The following MCCC1 variants were observed in gnomAD, a reference collection of about 807,000 sequenced individuals.
MCCC1 encodes methylcrotonyl-CoA carboxylase subunit 1.
MCCC1 carries 64 observed loss-of-function variants against 83.8 expected under a neutral mutation model. That is an observed-to-expected ratio of 0.76 (90% CI 0.62 to 0.94). The LOEUF is 0.94. Ranked by LOEUF, MCCC1 falls within the 40% of genes least tolerant of loss-of-function variation. The pLI is 0.00. For missense variants in MCCC1, 807 were observed against 904.7 expected, an observed-to-expected ratio of 0.89 and a Z score of 1.39; for synonymous variants, 322 against 315.4, an observed-to-expected ratio of 1.02 and a Z score of -0.22.
intron 14 of MCCC1, among the ~76,000 whole-genome samples, chr3:183,026,580 C>A (rs766292834): frequency 6.6e-6 from 1 of 152,054 alleles, no homozygotes; most frequent in Non-Finnish European, 1.5e-5. Context: ...CATGGCGGCA[C>A]GTGCCTGTAA....
At chr3:183,027,281 T>C (rs938188426) in intron 14 of MCCC1, among the ~76,000 whole-genome samples, 11 of 152,166 alleles carry the variant, frequency 7.2e-5, no homozygotes, top group African/African-American at 2.4e-4. Flanking sequence ...CAATACAATA[T>C]TGAAATTAGA....
intron 9 of MCCC1, among the ~76,000 whole-genome samples, chr3:183,050,403 T>C (rs1714875079): frequency 1.3e-5 from 2 of 151,062 alleles, no homozygotes; most frequent in African/African-American, 4.9e-5. Flanking sequence ...AAACTTCTGC[T>C]CTGTGAAAAG....
At chr3:183,075,677 A>C (rs1205976889) in intron 4 of MCCC1, among the ~76,000 whole-genome samples, 3 of 151,822 alleles carry the variant, frequency 2.0e-5, no homozygotes, top group Non-Finnish European at 4.4e-5. Flanking sequence ...AGTAGCTGGG[A>C]CTACAGGTGC....
chr3:183,092,890 TTTAC>T (rs774270865), intron 2 of MCCC1, among the ~76,000 whole-genome samples: 19 of 151,898 alleles, frequency 1.3e-4, no homozygotes, highest in Admixed American at 3.3e-4. Context: ...TATTTATTTA[TTTAC>T]TTATTTATTT....
At chr3:183,025,086 C>T (rs946592283) in intron 15 of MCCC1, among the ~76,000 whole-genome samples, 7 of 151,952 alleles carry the variant, frequency 4.6e-5, no homozygotes, top group African/African-American at 1.7e-4. Flanking sequence ...ATATCAGGTA[C>T]CTAGAGTAGT....
chr3:183,081,925 G>A (rs1009205520), intron 4 of MCCC1, among the ~76,000 whole-genome samples: 7 of 152,186 alleles, frequency 4.6e-5, no homozygotes, highest in African/African-American at 1.4e-4. Context: ...TTAAGCTGCT[G>A]ACCCTGAAGG....
At chr3:183,091,967 G>A (rs955189824) in intron 3 of MCCC1, among the ~76,000 whole-genome samples, 4 of 151,724 alleles carry the variant, frequency 2.6e-5, no homozygotes, top group Admixed American at 2.0e-4. Flanking sequence ...CAGGAGAATC[G>A]CTTGAACCTG....
At chr3:183,099,687 T>C (rs1217076070), upstream of MCCC1, 2 of 593,174 alleles carry the variant, frequency 3.4e-6, no homozygotes, top group Admixed American at 5.9e-5. Context: ...GGCCTTTGTT[T>C]CTGCGTCCCC....
chr3:183,063,366 A>G (rs560136686), intron 7 of MCCC1, among the ~76,000 whole-genome samples: 2 of 152,248 alleles, frequency 1.3e-5, no homozygotes, highest in East Asian at 3.9e-4. Flanking sequence ...CCAAAATAGT[A>G]TACTTTAAAG....
upstream of MCCC1, among the ~76,000 whole-genome samples, chr3:183,104,003 A>G (rs1019921106): frequency 6.6e-6 from 1 of 152,072 alleles, no homozygotes; most frequent in Non-Finnish European, 1.5e-5. Context: ...TAAGCCCCTC[A>G]TTGCCCCGGG....
intron 4 of MCCC1, among the ~76,000 whole-genome samples, chr3:183,073,652 T>G (rs1716857508): frequency 3.9e-5 from 6 of 152,234 alleles, no homozygotes; most frequent in Admixed American, 3.9e-4. Context: ...GTTTTGCAGT[T>G]TGAGGTGCAA....
intron 1 of MCCC1, 173 bp downstream of exon 1, chr3:183,099,179 T>C: frequency 1.5e-6 from 1 of 689,082 alleles, no homozygotes; most frequent in East Asian, 2.7e-5. Context: ...CTGGTGGGGA[T>C]GTCTTCCTCC....
intron 1 of MCCC1, among the ~76,000 whole-genome samples, chr3:183,097,943 C>T (rs1344648236): frequency 2.0e-5 from 3 of 152,110 alleles, no homozygotes; most frequent in Admixed American, 2.0e-4. Context: ...GAGACGGAGT[C>T]TTACTCTGTC....
chr3:183,048,141 G>A (rs1414326770), intron 9 of MCCC1, among the ~76,000 whole-genome samples: 2 of 152,084 alleles, frequency 1.3e-5, no homozygotes, highest in East Asian at 3.8e-4. Flanking sequence ...TACTTGATAT[G>A]CTAAAAAAGG....
In MCCC1 at chr3:183,031,904, A is replaced by G. The variant is rs149936745; in HGVS notation, c.1681+2087T>C. 1.4e-3 allele frequency among the ~76,000 whole-genome samples: 213 copies of G among 151,924 alleles called. 1 individual carries two copies. The highest frequency in any genetic ancestry group is 4.8e-3 in the African/African-American group (199 of 41,428). Reference sequence around the variant, plus strand: ...GGCTGATCTCAAACTCCTGCCCTCAAGCAATCCTCCCGCCTTGGCCTCCCA... The same window carrying G: ...GGCTGATCTCAAACTCCTGCCCTCAGGCAATCCTCCCGCCTTGGCCTCCCA... On this transcript the variant is annotated intron_variant, in intron 14 of 18. Transcript: ENST00000265594.
intron 7 of MCCC1, among the ~76,000 whole-genome samples, chr3:183,059,707 C>A (rs143178870): frequency 8.9e-4 from 136 of 152,272 alleles, no homozygotes; most frequent in African/African-American, 3.2e-3. Context: ...GACAAAGTCT[C>A]TTCATTTCTG....
intron 8 of MCCC1, among the ~76,000 whole-genome samples, chr3:183,056,958 G>C (rs1276209644): frequency 6.6e-6 from 1 of 152,226 alleles, no homozygotes; most frequent in African/African-American, 2.4e-5. Context: ...GCCTCCCAAA[G>C]GGCTGGGACT....
At chr3:183,023,723 T>C (rs1712348403) in intron 15 of MCCC1, among the ~76,000 whole-genome samples, 1 of 152,208 alleles carries the variant, frequency 6.6e-6, no homozygotes, top group Non-Finnish European at 1.5e-5. Flanking sequence ...ATTTGACATC[T>C]CTTAGCTCAT....
intron 17 of MCCC1, among the ~76,000 whole-genome samples, chr3:183,017,973 C>T (rs1014480646): frequency 2.6e-5 from 4 of 151,526 alleles, no homozygotes; most frequent in Non-Finnish European, 4.4e-5. Flanking sequence ...CAGAGGCCTA[C>T]AGCCCAAATG....
Sources: gnomAD v4.1 joint callset for allele counts (sites outside exome capture counted in the v4.1 genomes callset) on GRCh38, gnomAD v4.1.1 for gene constraint, MANE v1.5 for transcripts, NCBI Gene and HGNC (gene_info 2026-07-23, HGNC 2026-07-21) for gene names.